TAFA5: variants seen among roughly 807,000 people sequenced by gnomAD.
TAFA5 encodes TAFA chemokine like family member 5.
TAFA5 carries 6 observed loss-of-function variants against 15.3 expected under a neutral mutation model. That is an observed-to-expected ratio of 0.39 (90% CI 0.21 to 0.77). TAFA5 has a LOEUF of 0.77. Among genes scored for constraint, TAFA5 ranks in the 30% least tolerant of loss-of-function variants. TAFA5 has a pLI of 0.41. For synonymous variants in TAFA5, 103 were observed against 80.7 expected (o/e 1.28, Z -1.48); for missense variants, 161 against 193.1 (o/e 0.83, Z 0.98).
intron 2 of TAFA5, among the ~76,000 whole-genome samples, chr22:48,704,753 C>G (rs982123875): frequency 2.0e-5 from 3 of 151,760 alleles, no homozygotes; most frequent in African/African-American, 7.3e-5. Flanking sequence ...TCCCATGTCT[C>G]CTGGTCTCCT....
Position 48,527,865 on chromosome 22 carries a change from C to T in TAFA5, c.112+38161C>T, listed in dbSNP as rs140074360. On this transcript the variant is annotated intron_variant, in intron 1 of 3. Coordinates refer to ENST00000402357, the MANE Select transcript of TAFA5 (RefSeq NM_001082967.3). ...TTTCACGGGTAGATGGAGCCCGGCG[C>T]GAGGCTTCAGGCCCGTGTTACATGC... Among the ~76,000 whole-genome samples, 35 of 152,302 alleles carry T rather than the reference C, an allele frequency of 2.3e-4. No homozygotes were observed. In the East Asian group the frequency reaches 6.0e-3, roughly 26 times the overall value.
At chr22:48,622,248 C>T (rs576410833) in intron 1 of TAFA5, among the ~76,000 whole-genome samples, 45 of 152,234 alleles carry the variant, frequency 3.0e-4, no homozygotes, top group African/African-American at 1.1e-3. Flanking sequence ...ATTTATGTAG[C>T]CACGTTTCAG....
At chr22:48,608,654 C>A (rs1483908610) in intron 1 of TAFA5, among the ~76,000 whole-genome samples, 2 of 152,188 alleles carry the variant, frequency 1.3e-5, no homozygotes, top group East Asian at 3.8e-4. Context: ...TGGCGCCAAT[C>A]CTGGTGAGGA....
chr22:48,574,980 G>GC (rs1294378305), intron 1 of TAFA5, among the ~76,000 whole-genome samples: 1 of 152,234 alleles, frequency 6.6e-6, no homozygotes, highest in Non-Finnish European at 1.5e-5. Flanking sequence ...AGGGCAGCTG[G>GC]CTGGAGGGTG....
At chr22:48,655,847 T>TG (rs1251938851) in intron 2 of TAFA5, among the ~76,000 whole-genome samples, 4 of 139,190 alleles carry the variant, frequency 2.9e-5, no homozygotes, top group South Asian at 4.9e-4. Context: ...TTTTTTTTTT[T>TG]TTTTTTTTTT....
rs148215345 is a variant in TAFA5, at chr22:48,601,430, G to A, written c.113-45167G>A. 6.2e-3 allele frequency among the ~76,000 whole-genome samples: 949 copies of A among 152,188 alleles called. 5 individuals carry two copies. The highest frequency in any genetic ancestry group is 8.3e-3 in the Non-Finnish European group (563 of 68,010). ...CAACCTCTGCCTCCCAGGCTCAAGC[G>A]ATTCTCCTGCTTCAGCCTCCAGAGT... On this transcript the variant is annotated intron_variant, in intron 1 of 3. Transcript: ENST00000402357.
chr22:48,641,749 G>A (rs1485243460), intron 1 of TAFA5, among the ~76,000 whole-genome samples: 3 of 152,086 alleles, frequency 2.0e-5, no homozygotes, highest in African/African-American at 7.2e-5. Flanking sequence ...GCGGAAAGTC[G>A]GTGGGGGGAC....
chr22:48,735,991 TGGAGTCC>T (rs1408045485), intron 3 of TAFA5, among the ~76,000 whole-genome samples: 2,226 of 26,344 alleles, frequency 0.084, 97 homozygotes, highest in Non-Finnish European at 0.13. Context: ...ATCGCACTCC[TGGAGTCC>T]AGAGTCCATC....
intron 1 of TAFA5, among the ~76,000 whole-genome samples, chr22:48,553,670 C>A (rs1366657648): frequency 6.6e-6 from 1 of 152,208 alleles, no homozygotes; most frequent in Non-Finnish European, 1.5e-5. Flanking sequence ...TCTGAGCATA[C>A]CTCCATGCCT....
At chr22:48,495,133 T>C (rs952864975) in intron 1 of TAFA5, among the ~76,000 whole-genome samples, 5 of 152,264 alleles carry the variant, frequency 3.3e-5, no homozygotes, top group Admixed American at 3.3e-4. Flanking sequence ...TCACCTGCCA[T>C]GGGGTGAGCC....
At chr22:48,575,658 G>GTGGGCCCGGACC (rs904645772) in intron 1 of TAFA5, among the ~76,000 whole-genome samples, 2 of 146,290 alleles carry the variant, frequency 1.4e-5, no homozygotes, top group African/African-American at 4.9e-5. Flanking sequence ...CAGGGGCGCG[G>GTGGGCCCGGACC]TGGGCCCGGA....
intron 1 of TAFA5, chr22:48,544,917 C>T (rs529597406): frequency 3.0e-5 from 14 of 470,314 alleles, no homozygotes; most frequent in South Asian, 7.7e-5. Context: ...CACCTCCTGC[C>T]GCAAGGCCCT....
In TAFA5 at chr22:48,693,531, G is replaced by A. The variant is rs1928607450; in HGVS notation, c.263-14186G>A. On this transcript the variant is annotated intron_variant, in intron 2 of 3. Coordinates refer to ENST00000402357, the MANE Select transcript of TAFA5 (RefSeq NM_001082967.3). ...AGGAGACCAGCAGGTGAGGCCCGCA[G>A]GAGGGGCGGCTGGGCCTGGAGCTCA... 4.8e-6 allele frequency: 7 copies of A among 1,445,898 alleles called. 1 individual carries two copies. The South Asian group carries it at 6.5e-5, about 14-fold the overall frequency. 89.6% of individuals were successfully genotyped at this position (1,445,898 alleles called of 1,614,324 possible). A position where few individuals can be genotyped will look rare whatever the true frequency, so the allele number is the denominator to read the frequency against.
intron 1 of TAFA5, among the ~76,000 whole-genome samples, chr22:48,602,792 G>T (rs28444805): frequency 0.042 from 6,418 of 152,226 alleles, 256 homozygotes; most frequent in African/African-American, 0.1. Flanking sequence ...GTCAGTGGGT[G>T]CCAAGAGATG....
At chr22:48,555,213 GGAAT>G (rs1224197362) in intron 1 of TAFA5, among the ~76,000 whole-genome samples, 1 of 152,240 alleles carries the variant, frequency 6.6e-6, no homozygotes, top group Non-Finnish European at 1.5e-5. Flanking sequence ...AATGAATGAA[GGAAT>G]GAATGGATAC....
chr22:48,522,983 G>A (rs2147108136), intron 1 of TAFA5, among the ~76,000 whole-genome samples: 1 of 152,356 alleles, frequency 6.6e-6, no homozygotes, highest in South Asian at 2.1e-4. Flanking sequence ...GGAAGGGGCT[G>A]CGGCAGCTGG....
intron 1 of TAFA5, among the ~76,000 whole-genome samples, chr22:48,635,683 C>G (rs1209832565): frequency 6.6e-6 from 1 of 152,302 alleles, no homozygotes; most frequent in East Asian, 1.9e-4. Flanking sequence ...GGACATATTC[C>G]CAGGCCTCTG....
chr22:48,622,987 C>T (rs1023450332), intron 1 of TAFA5, among the ~76,000 whole-genome samples: 76 of 152,266 alleles, frequency 5.0e-4, no homozygotes, highest in African/African-American at 1.7e-3. Context: ...CCATTCACAG[C>T]GTGGTTTTCC....
chr22:48,565,973 T>C (rs973196118), intron 1 of TAFA5, among the ~76,000 whole-genome samples: 4 of 151,462 alleles, frequency 2.6e-5, no homozygotes, highest in African/African-American at 9.7e-5. Flanking sequence ...GGTGGATGGG[T>C]GGATGGATGG....
Sources: gnomAD v4.1 joint callset for allele counts (sites outside exome capture counted in the v4.1 genomes callset) on GRCh38, gnomAD v4.1.1 for gene constraint, MANE v1.5 for transcripts, NCBI Gene and HGNC (gene_info 2026-07-23, HGNC 2026-07-21) for gene names.